The following PTPRG variants were observed in gnomAD, a reference collection of about 807,000 sequenced individuals.
PTPRG encodes the protein receptor-type tyrosine-protein phosphatase gamma.
Under a neutral mutation model 165.3 loss-of-function variants are expected in PTPRG, and 102 were observed. The ratio of observed to expected loss-of-function variants is 0.62; its 90% CI spans 0.53 to 0.73. The LOEUF (loss-of-function observed/expected upper bound fraction) is 0.73, where lower values mean the gene tolerates loss of function less well. Among genes scored for constraint, PTPRG ranks in the 30% least tolerant of loss-of-function variants. PTPRG has a pLI of 0.00. For missense variants in PTPRG, 1,866 were observed against 1,861.4 expected (o/e 1.00, Z -0.05); for synonymous variants, 675 against 669.5 (o/e 1.01, Z -0.13).
chr3:62,266,350 A>G (rs573938382), intron 17 of PTPRG, among the ~76,000 whole-genome samples: 3 of 152,262 alleles, frequency 2.0e-5, no homozygotes, highest in East Asian at 1.9e-4. Context: ...ATTCATCACA[A>G]CTTTCAAGGT....
intron 2 of PTPRG, among the ~76,000 whole-genome samples, chr3:61,905,072 A>G (rs2038607736): frequency 6.6e-6 from 1 of 152,170 alleles, no homozygotes. Context: ...AAAAGGCTTC[A>G]TTCTCCCTGC....
intron 2 of PTPRG, among the ~76,000 whole-genome samples, chr3:61,796,510 A>G (rs1038750327): frequency 2.0e-5 from 3 of 152,212 alleles, no homozygotes; most frequent in Non-Finnish European, 4.4e-5. Context: ...GCAGCTGCCT[A>G]GGAAGGACAA....
intron 1 of PTPRG, among the ~76,000 whole-genome samples, chr3:61,657,152 G>T: frequency 6.6e-6 from 1 of 152,146 alleles, no homozygotes; most frequent in East Asian, 1.9e-4. Context: ...GGGTATTATT[G>T]TCTACCGGTA....
intron 2 of PTPRG, among the ~76,000 whole-genome samples, chr3:61,907,929 C>CCTA: frequency 6.6e-6 from 1 of 150,724 alleles, no homozygotes; most frequent in East Asian, 2.0e-4. Context: ...AGTTTGATGC[C>CCTA]AGCAACATAG....
chr3:61,700,948 G>A (rs1206474184), intron 1 of PTPRG, among the ~76,000 whole-genome samples: 8 of 152,188 alleles, frequency 5.3e-5, no homozygotes, highest in Admixed American at 1.3e-4. Flanking sequence ...GCCCCTATCC[G>A]GGTCAAAAGG....
chr3:61,993,226 T>G (rs1053049331), intron 3 of PTPRG, among the ~76,000 whole-genome samples: 1 of 152,054 alleles, frequency 6.6e-6, no homozygotes, highest in African/African-American at 2.4e-5. Context: ...TTTATTTATT[T>G]ATTTTTTTGA....
At chr3:62,188,948 C>T (rs551360935) in intron 8 of PTPRG, among the ~76,000 whole-genome samples, 3 of 152,158 alleles carry the variant, frequency 2.0e-5, no homozygotes, top group Non-Finnish European at 4.4e-5. Context: ...ATCTTTCCCC[C>T]GCCTCCTCCG....
At chr3:62,065,778 A>G (rs1700991944) in intron 4 of PTPRG, among the ~76,000 whole-genome samples, 1 of 152,172 alleles carries the variant, frequency 6.6e-6, no homozygotes, top group South Asian at 2.1e-4. Flanking sequence ...TCCACCAGAA[A>G]TGATAAGATG....
chr3:62,040,610 C>G (rs147051419), intron 4 of PTPRG, among the ~76,000 whole-genome samples: 1 of 152,136 alleles, frequency 6.6e-6, no homozygotes, highest in African/African-American at 2.4e-5. Context: ...TGCGCCACCA[C>G]GCCCAGCTAA....
chr3:61,882,536 A>T (rs79923392), intron 2 of PTPRG, among the ~76,000 whole-genome samples: 26 of 152,314 alleles, frequency 1.7e-4, no homozygotes, highest in African/African-American at 6.0e-4. Context: ...AAGGGCTTTT[A>T]TTTAAGCTGT....
intron 15 of PTPRG, among the ~76,000 whole-genome samples, chr3:62,250,489 A>G (rs1184582118): frequency 6.6e-6 from 1 of 152,164 alleles, no homozygotes; most frequent in African/African-American, 2.4e-5. Flanking sequence ...TTCCTTTCTA[A>G]TATCAAATAA....
intron 1 of PTPRG, among the ~76,000 whole-genome samples, chr3:61,583,922 G>C (rs1700369660): frequency 6.6e-6 from 1 of 152,128 alleles, no homozygotes; most frequent in Non-Finnish European, 1.5e-5. Flanking sequence ...CAATCAAAGG[G>C]CACCAATATC....
intron 1 of PTPRG, among the ~76,000 whole-genome samples, chr3:61,716,029 G>A (rs2031791883): frequency 6.6e-6 from 1 of 152,198 alleles, no homozygotes; most frequent in Admixed American, 6.5e-5. Context: ...CTCCTGTGGT[G>A]AGGGTGCTGG....
intron 1 of PTPRG, among the ~76,000 whole-genome samples, chr3:61,603,732 G>GGTCCTTGCTGGCAATCCTTGGCA (rs1700926163): frequency 6.6e-6 from 1 of 152,140 alleles, no homozygotes; most frequent in Non-Finnish European, 1.5e-5. Context: ...TGTAGCTTCT[G>GGTCCTTGCTGGCAATCCTTGGCA]GTCCTTGCTG....
At chr3:61,743,004 C>G in intron 1 of PTPRG, 3 of 1,552,070 alleles carry the variant, frequency 1.9e-6, no homozygotes, top group Non-Finnish European at 2.7e-6. Context: ...TCAAGCTGAT[C>G]TGCAACTCCA....
intron 1 of PTPRG, among the ~76,000 whole-genome samples, chr3:61,678,143 C>G (rs1703301540): frequency 6.6e-6 from 1 of 152,110 alleles, no homozygotes; most frequent in Admixed American, 6.6e-5. Flanking sequence ...TTTCCAGTCT[C>G]ATAAGCAAAC....
Position 61,946,141 on chromosome 3 carries a change from T to C in PTPRG, c.191-43484T>C, listed in dbSNP as rs192490740. Among the ~76,000 whole-genome samples the C allele has an allele frequency of 5.4e-3, 826 of 152,318 alleles. 7 individuals are homozygous for C. The highest frequency in any genetic ancestry group is 0.018 in the African/African-American group (762 of 41,562). On this transcript the variant is annotated intron_variant, in intron 2 of 29. Coordinates refer to ENST00000474889, the MANE Select transcript of PTPRG (RefSeq NM_002841.4). Reference sequence around the variant, plus strand: ...GGCCACAATATTATTAACACACAGCTGGGGATTAATATTTTGTGTCTTCCT... The same window carrying C: ...GGCCACAATATTATTAACACACAGCCGGGGATTAATATTTTGTGTCTTCCT...
rs142818650 is a variant in PTPRG, at chr3:62,117,086, A to G, written c.616-15516A>G. 1.5e-3 allele frequency among the ~76,000 whole-genome samples: 224 copies of G among 152,340 alleles called. 3 individuals are homozygous for G. Among genetic ancestry groups the G allele is most frequent in the South Asian group, 0.011 (55 of 4,828 alleles). ...CTTTACTTTCTATGACACTTGCAGA[A>G]GAACGTGTACCCTGAGACTTCTGCT... On this transcript the variant is annotated intron_variant, in intron 5 of 29. Transcript: ENST00000474889.
intron 2 of PTPRG, among the ~76,000 whole-genome samples, chr3:61,972,918 T>G (rs2040417231): frequency 6.6e-6 from 1 of 152,010 alleles, no homozygotes; most frequent in Non-Finnish European, 1.5e-5. Context: ...CACAGCCTCC[T>G]AAAGTGTTGG....
Sources: gnomAD v4.1 joint callset for allele counts (sites outside exome capture counted in the v4.1 genomes callset) on GRCh38, gnomAD v4.1.1 for gene constraint, MANE v1.5 for transcripts, NCBI Gene and HGNC (gene_info 2026-07-23, HGNC 2026-07-21) for gene names.